The following PRDM2 variants were observed in gnomAD, a reference collection of about 807,000 sequenced individuals.
PRDM2 encodes PR domain zinc finger protein 2.
Under a neutral mutation model 130.0 loss-of-function variants are expected in PRDM2, and 30 were observed. The ratio of observed to expected loss-of-function variants is 0.23; its 90% CI spans 0.17 to 0.31. The LOEUF (loss-of-function observed/expected upper bound fraction) is 0.31, where lower values mean the gene tolerates loss of function less well. Ranked by LOEUF, PRDM2 falls within the 10% of genes least tolerant of loss-of-function variation. PRDM2 has a pLI of 1.00. For synonymous variants in PRDM2, 871 were observed against 782.4 expected (o/e 1.11, Z -1.89); for missense variants, 2,011 against 2,108.4 (o/e 0.95, Z 0.90).
In PRDM2 at chr1:13,714,035, A is replaced by T. The variant is rs370137850; in HGVS notation, c.-65-1506A>T. Among the ~76,000 whole-genome samples, 14 of 151,954 alleles carry T rather than the reference A, an allele frequency of 9.2e-5. No homozygotes were observed. In the East Asian group the frequency reaches 9.7e-4, roughly 11 times the overall value. ...AGGCGCCTGCCACCACACCCAGCTAATTTTTTGTATTTTTTAGTAGAGACG... is the reference window on the plus strand; with the variant it reads ...AGGCGCCTGCCACCACACCCAGCTATTTTTTTGTATTTTTTAGTAGAGACG... On this transcript the variant is annotated intron_variant, in intron 1 of 9. Coordinates refer to ENST00000311066, the MANE Select transcript of PRDM2 (RefSeq NM_001393986.1).
At chr1:13,707,608 G>C (rs1642247889) in intron 1 of PRDM2, among the ~76,000 whole-genome samples, 1 of 152,188 alleles carries the variant, frequency 6.6e-6, no homozygotes, top group Non-Finnish European at 1.5e-5. Flanking sequence ...ATACTGTTTT[G>C]CAGGAGGTAA....
chr1:13,762,764 G>C (rs1042983668), intron 6 of PRDM2, among the ~76,000 whole-genome samples: 3 of 152,190 alleles, frequency 2.0e-5, no homozygotes, highest in African/African-American at 7.2e-5. Flanking sequence ...CACAGCGCGC[G>C]CTCCTCAGGC....
At chr1:13,804,343 G>C (rs762655713) in intron 8 of PRDM2, among the ~76,000 whole-genome samples, 1 of 151,848 alleles carries the variant, frequency 6.6e-6, no homozygotes, top group African/African-American at 2.4e-5. Flanking sequence ...TCTCCCCTTC[G>C]GCCCCCTCAT....
chr1:13,812,927 C>T (rs552569807), intron 8 of PRDM2, among the ~76,000 whole-genome samples: 113 of 152,194 alleles, frequency 7.4e-4, no homozygotes, highest in African/African-American at 2.5e-3. Context: ...AGGGGGAAAC[C>T]GAGGCTCCGA....
intron 8 of PRDM2, among the ~76,000 whole-genome samples, chr1:13,790,370 G>A (rs915948539): frequency 3.9e-5 from 6 of 152,134 alleles, no homozygotes; most frequent in Admixed American, 1.3e-4. Flanking sequence ...TGCATCTGGC[G>A]TTGGGGCATC....
intron 2 of PRDM2, among the ~76,000 whole-genome samples, chr1:13,720,923 A>G (rs149247224): frequency 2.6e-5 from 4 of 152,360 alleles, no homozygotes; most frequent in Non-Finnish European, 4.4e-5. Context: ...TTTTAACTGT[A>G]TAGTACAAGT....
At chr1:13,786,886 A>G (rs1176444713) in intron 8 of PRDM2, 15 of 1,038,362 alleles carry the variant, frequency 1.4e-5, no homozygotes, top group Non-Finnish European at 1.6e-5. Context: ...AACCTTGCAA[A>G]GCAAGTTGCC....
rs1569786609 is a variant in PRDM2 at position 13,732,639 on chromosome 1, T to C, written c.128-140T>C. The C allele has an allele frequency of 5.2e-6, 3 of 577,202 alleles. No homozygotes were observed. The East Asian group carries it at 9.6e-5, about 18-fold the overall frequency. The allele number at this position is 577,202 out of a possible 1,614,324, so 35.8% of individuals were successfully genotyped here. Reference sequence around the variant, plus strand: ...CATTGAGGACTTGACTTAATTTAACTTGATCTCAGGCTATTTTAACATTAG... The same window carrying C: ...CATTGAGGACTTGACTTAATTTAACCTGATCTCAGGCTATTTTAACATTAG... On this transcript the variant is annotated intron_variant, in intron 3 of 9. Coordinates refer to ENST00000311066, the MANE Select transcript of PRDM2 (RefSeq NM_001393986.1).
At chr1:13,795,930 A>G (rs1644916199) in intron 8 of PRDM2, among the ~76,000 whole-genome samples, 2 of 152,118 alleles carry the variant, frequency 1.3e-5, no homozygotes, top group Non-Finnish European at 2.9e-5. Flanking sequence ...ATAGAACTGG[A>G]TTCTGAAGCT....
At chr1:13,775,750 T>C (rs116636384) in intron 7 of PRDM2, among the ~76,000 whole-genome samples, 1,883 of 152,270 alleles carry the variant, frequency 0.012, 24 homozygotes, top group South Asian at 0.034. Context: ...GTCTGGCTGC[T>C]CTTTTCTGCC....
chr1:13,736,098 ATTGT>A (rs1643262823), intron 4 of PRDM2, among the ~76,000 whole-genome samples: 1 of 139,266 alleles, frequency 7.2e-6, no homozygotes, highest in African/African-American at 2.7e-5. Context: ...TATTTACGTT[ATTGT>A]TTGTTTCTTT....
chr1:13,784,654 C>G (rs1451351659), intron 8 of PRDM2, among the ~76,000 whole-genome samples: 2 of 152,200 alleles, frequency 1.3e-5, no homozygotes, highest in African/African-American at 2.4e-5. Flanking sequence ...AAAATCATGT[C>G]TCTTCTTTGC....
chr1:13,808,198 C>T (rs1362980631), intron 8 of PRDM2, among the ~76,000 whole-genome samples: 1 of 152,128 alleles, frequency 6.6e-6, no homozygotes, highest in Admixed American at 6.5e-5. Flanking sequence ...TTTCTAAAAA[C>T]AGTTGATGCT....
In PRDM2 at chr1:13,731,083, G is replaced by T; in HGVS notation, c.93G>T (p.Arg31Ser). The T allele has an allele frequency of 1.9e-6, 3 of 1,612,968 alleles. No individual in the cohort carries two copies. The highest frequency in any genetic ancestry group is 2.5e-6 in the Non-Finnish European group (3 of 1,179,566). The change falls in exon 3 of 10, where the codon AGG becomes AGT. Residue 31 changes from arginine to serine, a missense_variant. By Grantham distance (110) the Arg-to-Ser change is moderately radical. Coordinates refer to ENST00000311066, the MANE Select transcript of PRDM2 (RefSeq NM_001393986.1). ...TGCGAGGACTTCCGGAGGAAGTGAGGCTTTTCCCTTCTGCTGTTGACAAGA... is the reference window on the plus strand; with the variant it reads ...TGCGAGGACTTCCGGAGGAAGTGAGTCTTTTCCCTTCTGCTGTTGACAAGA... ...HVLRGLPEEVRLFPSAVDKTR... is the reference protein window; with the variant it reads ...HVLRGLPEEVSLFPSAVDKTR...
At chr1:13,767,772 C>T (rs1190630613) in intron 6 of PRDM2, among the ~76,000 whole-genome samples, 3 of 152,094 alleles carry the variant, frequency 2.0e-5, no homozygotes, top group East Asian at 1.9e-4. Context: ...CCCAGGAGTT[C>T]GAGACCAGCC....
intron 5 of PRDM2, among the ~76,000 whole-genome samples, chr1:13,742,872 T>G (rs61775109): frequency 1.6e-4 from 25 of 152,202 alleles, no homozygotes; most frequent in Non-Finnish European, 2.9e-4. Context: ...GCTTTTCTTT[T>G]CCCTAAATTT....
At chr1:13,773,027 GA>G (rs1569967301) in intron 6 of PRDM2, 50 bp from the exon 7 acceptor site, 4 of 1,064,284 alleles carry the variant, frequency 3.8e-6, no homozygotes, top group Non-Finnish European at 5.3e-6. Flanking sequence ...ATGAATGAAT[GA>G]ATAAATAAAA....
At chr1:13,815,339 T>A (rs1467907391) in intron 8 of PRDM2, among the ~76,000 whole-genome samples, 1 of 152,170 alleles carries the variant, frequency 6.6e-6, no homozygotes, top group Non-Finnish European at 1.5e-5. Context: ...CTTGAACTCC[T>A]GACCTCAGGT....
At chr1:13,707,581 A>G (rs1642247253) in intron 1 of PRDM2, among the ~76,000 whole-genome samples, 1 of 152,178 alleles carries the variant, frequency 6.6e-6, no homozygotes, top group Non-Finnish European at 1.5e-5. Context: ...TCTTTCATGG[A>G]AACTTCTGTT....
Sources: gnomAD v4.1 joint callset for allele counts (sites outside exome capture counted in the v4.1 genomes callset) on GRCh38, gnomAD v4.1.1 for gene constraint, MANE v1.5 for transcripts, NCBI Gene and HGNC (gene_info 2026-07-23, HGNC 2026-07-21) for gene names.